The following CPEB1 variants were observed in gnomAD, a reference collection of about 807,000 sequenced individuals.
CPEB1 encodes the protein cytoplasmic polyadenylation element-binding protein 1.
In CPEB1, 7 loss-of-function variants were observed where a neutral mutation model predicts 65.8. The observed-to-expected ratio is 0.11, with a 90% CI of 0.06 to 0.20. The LOEUF (loss-of-function observed/expected upper bound fraction) is 0.20, where lower values mean the gene tolerates loss of function less well. Ranked by LOEUF, CPEB1 falls within the 10% of genes least tolerant of loss-of-function variation. The pLI, the probability that CPEB1 is intolerant of heterozygous loss-of-function variation, is 1.00. For synonymous variants in CPEB1, 262 were observed against 260.0 expected, an observed-to-expected ratio of 1.01 and a Z score of -0.08; for missense variants, 551 against 712.2, an observed-to-expected ratio of 0.77 and a Z score of 2.58.
At chr15:82,550,195 A>C (rs1363308242) in intron 9 of CPEB1, among the ~76,000 whole-genome samples, 1 of 152,176 alleles carries the variant, frequency 6.6e-6, no homozygotes, top group East Asian at 1.9e-4. Flanking sequence ...GTTGGGTAGA[A>C]AGTCACATAC....
chr15:82,619,353 T>C (rs2045075737), intron 3 of CPEB1, among the ~76,000 whole-genome samples: 1 of 152,140 alleles, frequency 6.6e-6, no homozygotes, highest in Non-Finnish European at 1.5e-5. Context: ...AAAAGAAACA[T>C]ATACTACCTT....
intron 3 of CPEB1, among the ~76,000 whole-genome samples, chr15:82,574,273 C>T (rs1446905019): frequency 2.0e-5 from 3 of 152,138 alleles, no homozygotes; most frequent in African/African-American, 7.2e-5. Context: ...CTGTTAAAAC[C>T]ATTAGTGTGG....
chr15:82,629,472 G>A (rs932531976), intron 1 of CPEB1: 2 of 983,890 alleles, frequency 2.0e-6, no homozygotes, highest in African/African-American at 1.8e-5. Context: ...AAAAAATCAT[G>A]AACCCTTACA....
At chr15:82,580,656 C>T (rs567434173) in intron 3 of CPEB1, among the ~76,000 whole-genome samples, 115 of 152,162 alleles carry the variant, frequency 7.6e-4, no homozygotes, top group Non-Finnish European at 1.3e-3. Flanking sequence ...AAATTTTGTA[C>T]CATTAGACAC....
chr15:82,560,723 C>G (rs144571025), intron 4 of CPEB1, among the ~76,000 whole-genome samples: 5 of 151,466 alleles, frequency 3.3e-5, no homozygotes, highest in Admixed American at 1.3e-4. Flanking sequence ...CTGAGAGACA[C>G]GGAAAAGGAG....
chr15:82,548,374 AT>A (rs1200713216), intron 10 of CPEB1, among the ~76,000 whole-genome samples: 1 of 152,168 alleles, frequency 6.6e-6, no homozygotes, highest in African/African-American at 2.4e-5. Context: ...TAATAATATT[AT>A]TTCCAAATGT....
intron 1 of CPEB1, chr15:82,629,644 GT>G: frequency 1.0e-6 from 1 of 985,382 alleles, no homozygotes; most frequent in Non-Finnish European, 1.2e-6. Context: ...GACAGATTGA[GT>G]TTTTTAAGGG....
chr15:82,602,426 G>A (rs2043192763), intron 3 of CPEB1, among the ~76,000 whole-genome samples: 1 of 152,198 alleles, frequency 6.6e-6, no homozygotes, highest in South Asian at 2.1e-4. Context: ...ACTCATGCCT[G>A]TTATACAAGT....
At chr15:82,617,397 CTT>C (rs1261301264) in intron 3 of CPEB1, among the ~76,000 whole-genome samples, 3 of 152,122 alleles carry the variant, frequency 2.0e-5, no homozygotes, top group East Asian at 1.9e-4. Flanking sequence ...TTTCATTTCT[CTT>C]GAGTGTGACC....
At chr15:82,615,357 A>G (rs1015890438) in intron 3 of CPEB1, among the ~76,000 whole-genome samples, 2 of 152,224 alleles carry the variant, frequency 1.3e-5, no homozygotes, top group African/African-American at 2.4e-5. Flanking sequence ...AGTGTTATAA[A>G]GTTTCTGAAG....
At chr15:82,551,947 C>T (rs985328682) in intron 9 of CPEB1, among the ~76,000 whole-genome samples, 3 of 152,028 alleles carry the variant, frequency 2.0e-5, no homozygotes, top group East Asian at 3.9e-4. Context: ...TTAGAAAAAG[C>T]GTAGGAAGAG....
upstream of CPEB1, chr15:82,647,946 A>G (rs1318364594): frequency 4.3e-6 from 5 of 1,163,646 alleles, no homozygotes; most frequent in Non-Finnish European, 4.3e-6. Context: ...GCACGTGGGC[A>G]CTATTTTTGC....
chr15:82,602,855 TA>T (rs1258737853), intron 3 of CPEB1, among the ~76,000 whole-genome samples: 4 of 151,816 alleles, frequency 2.6e-5, no homozygotes, highest in African/African-American at 9.6e-5. Context: ...AAAAACTAAA[TA>T]AATAAAAATA....
chr15:82,570,104 CCATCCA>C (rs200266133), intron 4 of CPEB1, among the ~76,000 whole-genome samples: 2,695 of 152,244 alleles, frequency 0.018, 31 homozygotes, highest in Non-Finnish European at 0.025. Context: ...AAAGCTCTCC[CCATCCA>C]CATCCACATA....
At chr15:82,632,133 C>A (rs1053125014) in intron 1 of CPEB1, among the ~76,000 whole-genome samples, 2 of 151,776 alleles carry the variant, frequency 1.3e-5, no homozygotes, top group African/African-American at 2.4e-5. Flanking sequence ...ATACGCCCGC[C>A]ACCACGCCCG....
intron 3 of CPEB1, among the ~76,000 whole-genome samples, chr15:82,602,354 G>A (rs765108363): frequency 1.4e-4 from 21 of 152,224 alleles, no homozygotes; most frequent in East Asian, 1.4e-3. Context: ...CATGCTGAGC[G>A]GGAAATTTAT....
upstream of CPEB1, chr15:82,647,784 G>C: frequency 8.1e-7 from 1 of 1,227,918 alleles, no homozygotes; most frequent in Non-Finnish European, 1.0e-6. Context: ...CGCCGGACCC[G>C]GCTGCGCGCG....
intron 3 of CPEB1, among the ~76,000 whole-genome samples, chr15:82,583,843 G>A (rs1440602094): frequency 6.6e-6 from 1 of 152,152 alleles, no homozygotes; most frequent in South Asian, 2.1e-4. Context: ...TATTGAAATA[G>A]TAAATAAATG....
chr15:82,619,612 G>C (rs1323004269), intron 3 of CPEB1, among the ~76,000 whole-genome samples: 2 of 152,004 alleles, frequency 1.3e-5, no homozygotes, highest in Admixed American at 6.5e-5. Context: ...ATAACCCTAA[G>C]AAAAATGAGT....
Sources: gnomAD v4.1 joint callset for allele counts (sites outside exome capture counted in the v4.1 genomes callset) on GRCh38, gnomAD v4.1.1 for gene constraint, MANE v1.5 for transcripts, NCBI Gene and HGNC (gene_info 2026-07-23, HGNC 2026-07-21) for gene names.